LRRC69: variants seen among roughly 807,000 people sequenced by gnomAD.
LRRC69 encodes the protein leucine-rich repeat-containing protein 69.
In LRRC69, 42 loss-of-function variants were observed where a neutral mutation model predicts 37.8. The observed-to-expected ratio is 1.11, with a 90% CI of 0.87 to 1.44. LRRC69 has a LOEUF of 1.44. LRRC69 is among the 40% of genes most tolerant of loss of function. LRRC69 has a pLI of 0.00. For missense variants in LRRC69, 357 were observed against 401.9 expected (o/e 0.89, Z 0.96); for synonymous variants, 141 against 143.1 (o/e 0.99, Z 0.11).
At chr8:91,184,022 C>T (rs1236683307) in intron 5 of LRRC69, among the ~76,000 whole-genome samples, 1 of 152,092 alleles carries the variant, frequency 6.6e-6, no homozygotes, top group African/African-American at 2.4e-5. Flanking sequence ...TCTCACATAC[C>T]TGCAACCTCA....
intron 5 of LRRC69, among the ~76,000 whole-genome samples, chr8:91,151,382 G>T (rs1044152183): frequency 7.9e-5 from 12 of 151,872 alleles, no homozygotes; most frequent in African/African-American, 2.9e-4. Flanking sequence ...CCGTTTCCAT[G>T]TAGTTGAGTG....
chr8:91,133,099 T>G lies in LRRC69; in HGVS notation c.384-11T>G. On this transcript the variant is annotated splice_polypyrimidine_tract_variant and intron_variant, in intron 3 of 7. Coordinates refer to ENST00000448384, the Ensembl canonical transcript of LRRC69. ...TTTCATTCATATACTTTGGTGTTTTTTTTTTTTTAGATTAAAAAGTCTTAC... is the reference window on the plus strand; with the variant it reads ...TTTCATTCATATACTTTGGTGTTTTGTTTTTTTTAGATTAAAAAGTCTTAC... 7.0e-7 allele frequency: 1 copy of G among 1,437,884 alleles called. No individual in the cohort carries two copies. Among genetic ancestry groups the G allele is most frequent in the South Asian group, 1.3e-5 (1 of 75,258 alleles). 89.1% of individuals were successfully genotyped at this position (1,437,884 alleles called of 1,614,324 possible). A position where few individuals can be genotyped will look rare whatever the true frequency, so the allele number is the denominator to read the frequency against.
intron 6 of LRRC69, among the ~76,000 whole-genome samples, chr8:91,195,792 T>A (rs1425141723): frequency 6.6e-6 from 1 of 151,460 alleles, no homozygotes; most frequent in Non-Finnish European, 1.5e-5. Flanking sequence ...TCTTGACTCT[T>A]TATCCAATTT....
At chr8:91,112,183 A>C (rs934794804) in intron 1 of LRRC69, among the ~76,000 whole-genome samples, 1 of 152,060 alleles carries the variant, frequency 6.6e-6, no homozygotes, top group African/African-American at 2.4e-5. Flanking sequence ...CATTCCATGA[A>C]AATGTCATTC....
chr8:91,197,504 GC>G (rs1241285966), intron 6 of LRRC69, among the ~76,000 whole-genome samples: 1 of 151,996 alleles, frequency 6.6e-6, no homozygotes, highest in Non-Finnish European at 1.5e-5. Flanking sequence ...GACTCCGTGG[GC>G]GTAGGACCCT....
chr8:91,148,312 T>C (rs960931865), intron 5 of LRRC69, among the ~76,000 whole-genome samples: 1 of 151,476 alleles, frequency 6.6e-6, no homozygotes, highest in African/African-American at 2.4e-5. Context: ...AATTCCCACC[T>C]ATGAGTAAGA....
At chr8:91,138,604 C>CA (rs1388944820) in intron 5 of LRRC69, among the ~76,000 whole-genome samples, 3 of 148,710 alleles carry the variant, frequency 2.0e-5, no homozygotes, top group African/African-American at 7.5e-5. Context: ...ACTGTATTTG[C>CA]ACTAGGACTT....
At chr8:91,127,193 A>G (rs1563597370) in intron 3 of LRRC69, 33 bp downstream of exon 3, 2 of 1,478,150 alleles carry the variant, frequency 1.4e-6, no homozygotes, top group Non-Finnish European at 1.8e-6. Context: ...TTGGTTAACA[A>G]TCGTGCCCCT....
At chr8:91,211,627 A>G (rs993076494) in intron 7 of LRRC69, among the ~76,000 whole-genome samples, 1 of 133,350 alleles carries the variant, frequency 7.5e-6, no homozygotes, top group African/African-American at 2.7e-5. Flanking sequence ...TTTTTTTTTT[A>G]TTTTTTTTGC....
chr8:91,175,483 A>G (rs531102203), intron 5 of LRRC69, among the ~76,000 whole-genome samples: 22 of 152,104 alleles, frequency 1.4e-4, no homozygotes, highest in African/African-American at 5.1e-4. Context: ...TTATTTCCAT[A>G]TTTCTTGGTT....
At chr8:91,137,863 TGAAA>T (rs1808448508) in intron 5 of LRRC69, among the ~76,000 whole-genome samples, 1 of 151,990 alleles carries the variant, frequency 6.6e-6, no homozygotes. Context: ...TGATTATCAG[TGAAA>T]GAGAGTAAGT....
intron 1 of LRRC69, among the ~76,000 whole-genome samples, chr8:91,104,337 A>G (rs1233769435): frequency 6.6e-6 from 1 of 151,976 alleles, no homozygotes; most frequent in South Asian, 2.1e-4. Context: ...CAGCTTTTAT[A>G]TCCTATTCAG....
At chr8:91,149,002 G>C (rs963203801) in intron 5 of LRRC69, among the ~76,000 whole-genome samples, 1 of 151,360 alleles carries the variant, frequency 6.6e-6, no homozygotes, top group African/African-American at 2.4e-5. Context: ...CAAATGAGTA[G>C]ATTGCAAAAA....
At chr8:91,136,067 AT>A (rs1808414604) in intron 5 of LRRC69, among the ~76,000 whole-genome samples, 1 of 151,908 alleles carries the variant, frequency 6.6e-6, no homozygotes, top group South Asian at 2.1e-4. Flanking sequence ...TGGAGCATAA[AT>A]TTTTATCCCT....
intron 7 of LRRC69, chr8:91,209,469 A>G (rs1052754292): frequency 1.3e-5 from 2 of 152,046 alleles, no homozygotes; most frequent in African/African-American, 2.4e-5. Context: ...ATAAATAAAT[A>G]AAAAAGCCTG....
chr8:91,171,189 A>AACATT (rs1345695002), intron 5 of LRRC69, among the ~76,000 whole-genome samples: 7 of 152,044 alleles, frequency 4.6e-5, no homozygotes, highest in Non-Finnish European at 7.4e-5. Context: ...CCTAAGGCTG[A>AACATT]ATCGTGTTTC....
chr8:91,154,915 G>A (rs1290771322), intron 5 of LRRC69, among the ~76,000 whole-genome samples: 1 of 151,312 alleles, frequency 6.6e-6, no homozygotes, highest in Non-Finnish European at 1.5e-5. Context: ...TTTCAAATAT[G>A]AAAAAGGAAA....
chr8:91,195,458 A>G (rs1809580613), intron 6 of LRRC69, among the ~76,000 whole-genome samples: 1 of 151,888 alleles, frequency 6.6e-6, no homozygotes, highest in Non-Finnish European at 1.5e-5. Context: ...AAAGTCTCCC[A>G]TTATTAATGT....
chr8:91,135,659 C>G lies in LRRC69; in HGVS notation c.580-9C>G. 7.0e-7 allele frequency: 1 copy of G among 1,435,270 alleles called. No homozygotes were observed. The highest frequency in any genetic ancestry group is 9.2e-7 in the Non-Finnish European group (1 of 1,083,682). The allele number at this position is 1,435,270 out of a possible 1,614,324, so 88.9% of individuals were successfully genotyped here. On this transcript the variant is annotated splice_polypyrimidine_tract_variant and intron_variant, in intron 4 of 7. Coordinates refer to ENST00000448384, the Ensembl canonical transcript of LRRC69. ...TTAAAAAATCTCTCTCTTCTGTTTT[C>G]TGACACAGGAACTTTGTGATCTTAA...
Sources: gnomAD v4.1 joint callset for allele counts (sites outside exome capture counted in the v4.1 genomes callset) on GRCh38, gnomAD v4.1.1 for gene constraint, MANE v1.5 for transcripts, NCBI Gene and HGNC (gene_info 2026-07-23, HGNC 2026-07-21) for gene names.